Variants in SKA3 observed in about 807,000 individuals in gnomAD.
SKA3 encodes the protein spindle and kinetochore-associated protein 3.
SKA3 carries 39 observed loss-of-function variants against 44.2 expected under a neutral mutation model. The observed-to-expected ratio is 0.88, with a 90% CI of 0.68 to 1.15. The LOEUF (loss-of-function observed/expected upper bound fraction) is 1.15. Among genes scored for constraint, SKA3 ranks in the 50% most tolerant of loss-of-function variants. SKA3 has a pLI of 0.00. For synonymous variants in SKA3, 192 were observed against 172.0 expected (o/e 1.12, Z -0.91); for missense variants, 511 against 485.8 (o/e 1.05, Z -0.49).
chr13:21,176,272 C>T (rs1595309909), intron 1 of SKA3, 103 bp downstream of exon 1: 8 of 898,804 alleles, frequency 8.9e-6, no homozygotes, highest in East Asian at 8.1e-5. Context: ...CCGTCCACGC[C>T]GTCAGTGCCT....
chr13:21,171,029 G>A (rs1313850863), intron 3 of SKA3, among the ~76,000 whole-genome samples: 1 of 152,102 alleles, frequency 6.6e-6, no homozygotes, highest in Non-Finnish European at 1.5e-5. Flanking sequence ...TGGGCTTAAG[G>A]GATCCCTTCT....
At chr13:21,170,412 T>C (rs921790874) in intron 3 of SKA3, among the ~76,000 whole-genome samples, 1 of 152,132 alleles carries the variant, frequency 6.6e-6, no homozygotes, top group African/African-American at 2.4e-5. Context: ...ACTCCTGACC[T>C]CAGGTGATCT....
At chr13:21,174,745 G>GA (rs990846885) in intron 1 of SKA3, among the ~76,000 whole-genome samples, 3 of 137,916 alleles carry the variant, frequency 2.2e-5, no homozygotes, top group Admixed American at 7.8e-5. Context: ...TTTAAAAAAA[G>GA]AAAAAAAAAG....
Position 21,154,977 on chromosome 13 carries a change from C to A in SKA3, c.*173G>T, listed in dbSNP as rs1870023435. ...CATGTCAACAAGACTAAGGTTAAAC[C>A]TTATTGAAACTTCATAAAAAGCATA... On this transcript the variant is annotated 3_prime_UTR_variant, in exon 9 of 9. Coordinates refer to ENST00000314759, the MANE Select transcript of SKA3 (RefSeq NM_145061.6). The A allele has an allele frequency of 3.6e-6, 4 of 1,099,812 alleles. No individual in the cohort carries two copies. The East Asian group carries it at 1.0e-4, about 28-fold the overall frequency. 68.1% of individuals were successfully genotyped at this position (1,099,812 alleles called of 1,614,324 possible). A position where few individuals can be genotyped will look rare whatever the true frequency, so the allele number is the denominator to read the frequency against.
Position 21,172,324 on chromosome 13 carries a change from TGAAG to T in SKA3, c.331+11_331+14del. On this transcript the variant is annotated intron_variant, in intron 3 of 8. Transcript: ENST00000314759. ...CAATACTAAAACAAATGCTATAAAA[TGAAG>T]TTATTCAAACCTGAATTTTTCTTGA... The T allele has an allele frequency of 8.8e-7, 1 of 1,136,992 alleles. No individual in the cohort carries two copies. Among genetic ancestry groups the T allele is most frequent in the Non-Finnish European group, 1.2e-6 (1 of 863,108 alleles). The allele number at this position is 1,136,992 out of a possible 1,614,324, so 70.4% of individuals were successfully genotyped here. A position where few individuals can be genotyped will look rare whatever the true frequency, so the allele number is the denominator to read the frequency against.
chr13:21,155,039 G>T lies in SKA3; in HGVS notation c.*111C>A. ...ATGTTCATGTTTGTCTTTAAAATGG[G>T]TCAACGTTTAAAGGGGGACAGAGGC... On this transcript the variant is annotated 3_prime_UTR_variant, in exon 9 of 9. Transcript: ENST00000314759. 4 of 1,536,954 alleles carry T rather than the reference G, an allele frequency of 2.6e-6. No individual in the cohort carries two copies. The highest frequency in any genetic ancestry group is 1.4e-5 in the African/African-American group (1 of 72,142).
Position 21,154,621 on chromosome 13 carries a change from T to A in SKA3, c.*529A>T, listed in dbSNP as rs959544474. The A allele has an allele frequency of 2.4e-5, 4 of 165,738 alleles. No individual in the cohort carries two copies. The highest frequency in any genetic ancestry group is 6.1e-5 in the Admixed American group (1 of 16,478). The allele number at this position is 165,738 out of a possible 1,614,324, so 10.3% of individuals were successfully genotyped here. ...ACCTCCAATGGTCACAGTATATAGT[T>A]ACCCAGGCCTGGAAATCTCCCTCTT... On this transcript the variant is annotated 3_prime_UTR_variant, in exon 9 of 9. Transcript: ENST00000314759.
chr13:21,159,362 A>T (rs753806145), intron 6 of SKA3, among the ~76,000 whole-genome samples: 6 of 152,092 alleles, frequency 3.9e-5, no homozygotes, highest in Non-Finnish European at 7.4e-5. Context: ...GCACAAAATC[A>T]CCCATAATTT....
At chr13:21,167,359 G>A (rs1870767078) in intron 4 of SKA3, among the ~76,000 whole-genome samples, 1 of 151,626 alleles carries the variant, frequency 6.6e-6, no homozygotes, top group Non-Finnish European at 1.5e-5. Flanking sequence ...TTTTTTTCAG[G>A]CCCTTATCAC....
chr13:21,174,767 C>CAA (rs1871347331), intron 1 of SKA3, among the ~76,000 whole-genome samples: 1 of 150,664 alleles, frequency 6.6e-6, no homozygotes, highest in African/African-American at 2.4e-5. Context: ...GCGTACTGCT[C>CAA]CAACAACAAC....
chr13:21,154,788 G>A lies in SKA3; in HGVS notation c.*362C>T, dbSNP rs923251389. On this transcript the variant is annotated 3_prime_UTR_variant, in exon 9 of 9. Transcript: ENST00000314759. ...AGCTGGCTGGCAGCAATGTCTCTCTGGCCAGAAGGTCAGGGGCGGCCTCAT... is the reference window on the plus strand; with the variant it reads ...AGCTGGCTGGCAGCAATGTCTCTCTAGCCAGAAGGTCAGGGGCGGCCTCAT... 8.7e-6 allele frequency: 3 copies of A among 346,790 alleles called. No homozygotes were observed. The highest frequency in any genetic ancestry group is 1.6e-5 in the Non-Finnish European group (3 of 183,996). 21.5% of individuals were successfully genotyped at this position (346,790 alleles called of 1,614,324 possible). A position where few individuals can be genotyped will look rare whatever the true frequency, so the allele number is the denominator to read the frequency against.
rs1870039645 is a variant in SKA3, at chr13:21,155,153, G to A, written c.*-3C>T. ...GTTGGATAGATCCACTGGAATTTCTGCAACAGATACAAATAACAAATATCA... is the reference window on the plus strand; with the variant it reads ...GTTGGATAGATCCACTGGAATTTCTACAACAGATACAAATAACAAATATCA... On this transcript the variant is annotated splice_region_variant and splice_polypyrimidine_tract_variant and intron_variant, in intron 8 of 8. Coordinates refer to ENST00000314759, the MANE Select transcript of SKA3 (RefSeq NM_145061.6). The A allele has an allele frequency of 1.9e-6, 3 of 1,609,900 alleles. No individual in the cohort carries two copies. The highest frequency in any genetic ancestry group is 1.6e-4 in the Middle Eastern group (1 of 6,080).
At chr13:21,165,464 T>C (rs1354250343) in intron 4 of SKA3, among the ~76,000 whole-genome samples, 3 of 151,680 alleles carry the variant, frequency 2.0e-5, no homozygotes, top group Non-Finnish European at 4.4e-5. Flanking sequence ...AAGAAAGAAA[T>C]AGTTGCCCTG....
Position 21,158,091 on chromosome 13 carries a change from C to T in SKA3, c.950G>A (p.Ser317Asn). 1 of 1,611,850 alleles carries T rather than the reference C, an allele frequency of 6.2e-7. No individual in the cohort carries two copies. Among genetic ancestry groups the T allele is most frequent in the South Asian group, 1.1e-5 (1 of 91,014 alleles). ...STNYPLSKTN[S>N]SSNDLEVEDR... is the part of the protein sequence containing the mutation. ...TTCAACTTCCAAATCATTTGATGAACTATTTGTTTTTGATAATGGGTAATT... is the reference window on the plus strand; with the variant it reads ...TTCAACTTCCAAATCATTTGATGAATTATTTGTTTTTGATAATGGGTAATT... Residue 317 changes from serine (S) to asparagine (N), a missense_variant, in exon 7 of 9, where the codon AGT becomes AAT. Physicochemically the swap from Ser to Asn is conservative, Grantham distance 46 (BLOSUM62 1). Transcript: ENST00000314759.
Position 21,168,549 on chromosome 13 carries a change from C to T in SKA3, c.332-150G>A, listed in dbSNP as rs189091553. 9.6e-5 allele frequency: 72 copies of T among 751,886 alleles called. No homozygotes were observed. In the East Asian group the frequency reaches 1.9e-3, roughly 20 times the overall value. 46.6% of individuals were successfully genotyped at this position (751,886 alleles called of 1,614,324 possible). A position where few individuals can be genotyped will look rare whatever the true frequency, so the allele number is the denominator to read the frequency against. On this transcript the variant is annotated intron_variant, in intron 3 of 8. Coordinates refer to ENST00000314759, the MANE Select transcript of SKA3 (RefSeq NM_145061.6). ...TTTATTTATTTAGTATTTATTGAGA[C>T]AGGGTCTCGCTCTGCCACCCAGGCT...
intron 3 of SKA3, among the ~76,000 whole-genome samples, chr13:21,168,926 TAA>T (rs779797051): frequency 2.6e-5 from 4 of 152,246 alleles, no homozygotes; most frequent in Non-Finnish European, 5.9e-5. Flanking sequence ...GAAAGCAAGT[TAA>T]AAGTGTTATA....
In SKA3 at chr13:21,155,010, G is replaced by T; in HGVS notation, c.*140C>A. 1 of 1,356,846 alleles carries T rather than the reference G, an allele frequency of 7.4e-7. No individual in the cohort carries two copies. Among genetic ancestry groups the T allele is most frequent in the South Asian group, 1.2e-5 (1 of 80,364 alleles). 84.1% of individuals were successfully genotyped at this position (1,356,846 alleles called of 1,614,324 possible). On this transcript the variant is annotated 3_prime_UTR_variant, in exon 9 of 9. Transcript: ENST00000314759. ...AACTTCATAAAAAGCATATTATGAT[G>T]TTAATGTTCATGTTTGTCTTTAAAA...
chr13:21,161,768 G>A, intron 5 of SKA3, 22 bp downstream of exon 5: 1 of 1,575,208 alleles, frequency 6.3e-7, no homozygotes, highest in Admixed American at 1.7e-5. Context: ...TTCCTGAGAA[G>A]TAACTTGATT....
Position 21,157,913 on chromosome 13 carries a change from A to G in SKA3, c.1119+9T>C. The G allele has an allele frequency of 6.7e-7, 1 of 1,496,450 alleles. No individual in the cohort carries two copies. The allele number at this position is 1,496,450 out of a possible 1,614,324, so 92.7% of individuals were successfully genotyped here. A position where few individuals can be genotyped will look rare whatever the true frequency, so the allele number is the denominator to read the frequency against. On this transcript the variant is annotated intron_variant, in intron 7 of 8. Coordinates refer to ENST00000314759, the MANE Select transcript of SKA3 (RefSeq NM_145061.6). ...GCAAAAAAAAAAAAAAATAGCCTGGAAAAATAACCTGGAGAATATCTTCTG... is the reference window on the plus strand; with the variant it reads ...GCAAAAAAAAAAAAAAATAGCCTGGGAAAATAACCTGGAGAATATCTTCTG...
Sources: allele counts gnomAD v4.1 joint callset (sites outside exome capture counted in the v4.1 genomes callset), GRCh38; gene constraint gnomAD v4.1.1; transcripts MANE v1.5; gene names NCBI Gene and HGNC (gene_info 2026-07-23, HGNC 2026-07-21).